Variants in ABAT observed in about 807,000 individuals in gnomAD.
ABAT encodes 4-aminobutyrate aminotransferase, also known as 4-aminobutyrate aminotransferase, mitochondrial.
ABAT carries 45 observed loss-of-function variants against 64.6 expected under a neutral mutation model. The ratio of observed to expected loss-of-function variants is 0.70; its 90% CI spans 0.55 to 0.89. The LOEUF (loss-of-function observed/expected upper bound fraction) is 0.89. Ranked by LOEUF, ABAT falls within the 40% of genes least tolerant of loss-of-function variation. ABAT has a pLI of 0.00. For missense variants in ABAT, 633 were observed against 658.4 expected (o/e 0.96, Z 0.42); for synonymous variants, 297 against 250.5 (o/e 1.19, Z -1.75).
intron 1 of ABAT, among the ~76,000 whole-genome samples, chr16:8,683,778 T>C (rs967935699): frequency 2.0e-5 from 3 of 152,198 alleles, no homozygotes; most frequent in Non-Finnish European, 2.9e-5. Context: ...GGCATGGTTG[T>C]CTGGTATCTA....
At chr16:8,699,227 G>A (rs1008147821) in intron 1 of ABAT, among the ~76,000 whole-genome samples, 2 of 152,234 alleles carry the variant, frequency 1.3e-5, no homozygotes, top group African/African-American at 4.8e-5. Context: ...AGAGGGAAGA[G>A]ATTGGGGAGG....
Position 8,775,601 on chromosome 16 carries a change from G to A in ABAT, c.1122+544G>A, listed in dbSNP as rs187788337. ...ACACACACAGCCATCAGGGGCCAAC[G>A]TCCTTTCACCATTCCTACATGTAGT... On this transcript the variant is annotated intron_variant, in intron 13 of 15. Coordinates refer to ENST00000268251, the MANE Select transcript of ABAT (RefSeq NM_020686.6). 6.6e-5 allele frequency among the ~76,000 whole-genome samples: 10 copies of A among 151,966 alleles called. No homozygotes were observed. In the East Asian group the frequency reaches 1.6e-3, roughly 24 times the overall value.
chr16:8,707,517 G>A (rs570588647), intron 1 of ABAT, among the ~76,000 whole-genome samples: 3 of 151,926 alleles, frequency 2.0e-5, no homozygotes, highest in African/African-American at 2.4e-5. Flanking sequence ...AGGCAAATGA[G>A]AGTCCCTTTT....
intron 5 of ABAT, among the ~76,000 whole-genome samples, chr16:8,755,126 G>A (rs1469917012): frequency 6.6e-6 from 1 of 151,292 alleles, no homozygotes; most frequent in Non-Finnish European, 1.5e-5. Context: ...GAATATAGTC[G>A]TTGATTCGTT....
At chr16:8,723,942 G>A (rs2058459325) in intron 1 of ABAT, among the ~76,000 whole-genome samples, 1 of 140,912 alleles carries the variant, frequency 7.1e-6, no homozygotes, top group Admixed American at 7.6e-5. Flanking sequence ...CCGGGTTCAA[G>A]CAATTATCCT....
chr16:8,743,365 T>C (rs1266400661), intron 2 of ABAT, among the ~76,000 whole-genome samples: 1 of 144,962 alleles, frequency 6.9e-6, no homozygotes, highest in Non-Finnish European at 1.5e-5. Flanking sequence ...ACGGGAGATC[T>C]TGGCACATTT....
intron 5 of ABAT, among the ~76,000 whole-genome samples, chr16:8,754,707 T>G (rs1330390961): frequency 3.6e-5 from 4 of 110,350 alleles, no homozygotes; most frequent in Non-Finnish European, 1.9e-5. Context: ...TCTTTCTTTC[T>G]TTCTTTCTTT....
At chr16:8,732,826 A>T (rs2058775357) in intron 1 of ABAT, among the ~76,000 whole-genome samples, 1 of 146,026 alleles carries the variant, frequency 6.8e-6, no homozygotes, top group East Asian at 2.1e-4. Flanking sequence ...CACCTCCCGG[A>T]CGGGGCGGCT....
At chr16:8,768,730 A>G (rs2060016683) in intron 10 of ABAT, 95 bp from the exon 11 acceptor site, 1 of 1,564,806 alleles carries the variant, frequency 6.4e-7, no homozygotes. Flanking sequence ...GCCCACTGAC[A>G]GCCTTGCGCT....
chr16:8,769,364 C>T (rs898780469), intron 11 of ABAT, among the ~76,000 whole-genome samples: 54 of 151,954 alleles, frequency 3.6e-4, no homozygotes, highest in African/African-American at 1.2e-3. Flanking sequence ...GCCAGGAGTT[C>T]GAGACCAGCC....
intron 2 of ABAT, among the ~76,000 whole-genome samples, chr16:8,741,336 A>G (rs2059156898): frequency 6.6e-6 from 1 of 152,256 alleles, no homozygotes; most frequent in African/African-American, 2.4e-5. Context: ...CTAGCACTCG[A>G]TGAAATCAAA....
At chr16:8,697,200 G>T (rs919134183) in intron 1 of ABAT, among the ~76,000 whole-genome samples, 1 of 152,148 alleles carries the variant, frequency 6.6e-6, no homozygotes, top group African/African-American at 2.4e-5. Flanking sequence ...GGCCCCGGGG[G>T]AAACTCATTC....
chr16:8,745,967 A>C, intron 2 of ABAT, 34 bp from the exon 3 acceptor site: 1 of 1,594,498 alleles, frequency 6.3e-7, no homozygotes, highest in Non-Finnish European at 8.6e-7. Context: ...CTCTGCTGTC[A>C]CCAGGGATTT....
chr16:8,708,763 T>A (rs1336587861), intron 1 of ABAT, among the ~76,000 whole-genome samples: 1 of 152,214 alleles, frequency 6.6e-6, no homozygotes, highest in African/African-American at 2.4e-5. Context: ...CAAACTGCAG[T>A]TCCCCAGATA....
intron 3 of ABAT, among the ~76,000 whole-genome samples, chr16:8,747,732 T>G: frequency 6.6e-6 from 1 of 152,354 alleles, no homozygotes; most frequent in East Asian, 1.9e-4. Flanking sequence ...ATATGCAAGT[T>G]AATATTTTCA....
chr16:8,738,776 C>G (rs560831622), intron 2 of ABAT, among the ~76,000 whole-genome samples: 372 of 152,036 alleles, frequency 2.4e-3, no homozygotes, highest in Non-Finnish European at 4.4e-3. Flanking sequence ...TCCCAAGTAG[C>G]TGGGATTACA....
chr16:8,721,793 C>T (rs917124041), intron 1 of ABAT, among the ~76,000 whole-genome samples: 8 of 152,176 alleles, frequency 5.3e-5, no homozygotes, highest in Non-Finnish European at 1.0e-4. Context: ...TAGCTCATCT[C>T]GCCCCTCCCC....
intron 1 of ABAT, among the ~76,000 whole-genome samples, chr16:8,682,480 C>G (rs554509266): frequency 5.3e-5 from 8 of 152,294 alleles, no homozygotes; most frequent in South Asian, 4.1e-4. Flanking sequence ...TCAGAATCCC[C>G]TCAAGAGCTT....
intron 1 of ABAT, among the ~76,000 whole-genome samples, chr16:8,691,449 T>C (rs1342355150): frequency 1.3e-5 from 2 of 152,124 alleles, no homozygotes; most frequent in Non-Finnish European, 1.5e-5. Flanking sequence ...GGAACTTTTT[T>C]TTTTTTCCAA....
Sources: gnomAD v4.1 joint callset for allele counts (sites outside exome capture counted in the v4.1 genomes callset) on GRCh38, gnomAD v4.1.1 for gene constraint, MANE v1.5 for transcripts, NCBI Gene and HGNC (gene_info 2026-07-23, HGNC 2026-07-21) for gene names.